Variants in ZYG11A observed in about 807,000 individuals in gnomAD.
ZYG11A encodes zyg-11 family member A, cell cycle regulator, also known as protein zyg-11 homolog A.
ZYG11A carries 62 observed loss-of-function variants against 77.2 expected under a neutral mutation model. That is an observed-to-expected ratio of 0.80 (90% CI 0.65 to 0.99). ZYG11A has a LOEUF of 0.99. Ranked by LOEUF, ZYG11A falls within the 50% of genes least tolerant of loss-of-function variation. The probability of loss-of-function intolerance (pLI) is 0.00; values close to 1 mark genes in which losing one functional copy is unlikely to be tolerated. For synonymous variants in ZYG11A, 315 were observed against 324.6 expected (o/e 0.97, Z 0.32); for missense variants, 828 against 896.8 (o/e 0.92, Z 0.98).
intron 6 of ZYG11A, 139 bp from the exon 7 acceptor site, chr1:52,867,400 C>G (rs1285700823): frequency 1.6e-6 from 1 of 635,320 alleles, no homozygotes; most frequent in Non-Finnish European, 2.7e-6. Flanking sequence ...GCCAAATGCT[C>G]TTGGTTTTCA....
Position 52,871,541 on chromosome 1 carries a change from G to A in ZYG11A, c.1542+3764G>A, listed in dbSNP as rs1571865472. On this transcript the variant is annotated intron_variant, in intron 8 of 13. Coordinates refer to ENST00000371528, the MANE Select transcript of ZYG11A (RefSeq NM_001004339.3). ...AGACAGAGTCCCACTCTGTCACCAGGCTGGAAGTGCACTGGCGCCATCTCG... is the reference window on the plus strand; with the variant it reads ...AGACAGAGTCCCACTCTGTCACCAGACTGGAAGTGCACTGGCGCCATCTCG... Among the ~76,000 whole-genome samples, 4 of 151,164 alleles carry A rather than the reference G, an allele frequency of 2.6e-5. No individual in the cohort carries two copies. In the East Asian group the frequency reaches 7.8e-4, roughly 29 times the overall value.
chr1:52,885,310 T>TTTTTG (rs58059629), intron 11 of ZYG11A, among the ~76,000 whole-genome samples: 8 of 150,536 alleles, frequency 5.3e-5, no homozygotes, highest in African/African-American at 1.2e-4. Flanking sequence ...TGGTTTGTGT[T>TTTTTG]TTTTGTTTTG....
chr1:52,887,649 G>A (rs779338604), intron 13 of ZYG11A, among the ~76,000 whole-genome samples: 53 of 151,826 alleles, frequency 3.5e-4, no homozygotes, highest in African/African-American at 1.1e-3. Context: ...TTGGGAGGCC[G>A]AGGCAGGAGA....
intron 2 of ZYG11A, 106 bp downstream of exon 2, chr1:52,854,736 AT>A (rs1645777034): frequency 2.5e-6 from 3 of 1,190,164 alleles, no homozygotes; most frequent in Non-Finnish European, 2.2e-6. Flanking sequence ...TTTCCATTTC[AT>A]TTGTCTGGAA....
At chr1:52,853,633 G>C (rs1338696246) in intron 1 of ZYG11A, among the ~76,000 whole-genome samples, 1 of 152,158 alleles carries the variant, frequency 6.6e-6, no homozygotes, top group African/African-American at 2.4e-5. Flanking sequence ...TATTGGGGCC[G>C]GGTGTGGTGG....
At chr1:52,860,628 G>T (rs1442362674) in intron 3 of ZYG11A, 103 bp from the exon 4 acceptor site, 3 of 1,248,610 alleles carry the variant, frequency 2.4e-6, no homozygotes, top group Non-Finnish European at 3.3e-6. Context: ...AACATTTGTT[G>T]TTATTGTCTT....
At chr1:52,852,289 C>T (rs781261433) in intron 1 of ZYG11A, among the ~76,000 whole-genome samples, 8 of 151,038 alleles carry the variant, frequency 5.3e-5, no homozygotes, top group Non-Finnish European at 8.8e-5. Flanking sequence ...CCTCATGATC[C>T]ACCCACCTCA....
chr1:52,843,102 A>C (rs1257519204), intron 1 of ZYG11A, 129 bp downstream of exon 1: 3 of 731,784 alleles, frequency 4.1e-6, no homozygotes, highest in African/African-American at 3.7e-5. Flanking sequence ...GCTGCGGTCT[A>C]GATGCCGAGC....
At position 52,881,507 on chromosome 1, in the gene ZYG11A, C is replaced by G; in HGVS notation, c.1786C>G (p.Leu596Val). Reference protein sequence around the residue: ...IAEVRELSSKLVTEDVLKHIN... With the variant: ...IAEVRELSSKVVTEDVLKHIN... The stretch of plus-strand genomic sequence containing the variant: ...AGAAGTCAGAGAGCTCTCTTCCAAG[C>G]TGGTGACCGAAGATGTGCTGAAGCA... The change falls in exon 11 of 14, where the codon CTG becomes GTG. Residue 596 changes from leucine to valine, a missense_variant. Leu to Val is a conservative substitution (Grantham distance 32). Coordinates refer to ENST00000371528, the MANE Select transcript of ZYG11A (RefSeq NM_001004339.3). 6.4e-7 allele frequency: 1 copy of G among 1,551,488 alleles called. No homozygotes were observed. The highest frequency in any genetic ancestry group is 8.7e-7 in the Non-Finnish European group (1 of 1,146,850).
At position 52,867,733 on chromosome 1, in the gene ZYG11A, C is replaced by T. The variant is rs1646052847; in HGVS notation, c.1498C>T (p.Pro500Ser). Residue 500 changes from proline to serine, a missense_variant, in exon 8 of 14, where the codon CCT becomes TCT. Physicochemically the swap from Pro to Ser is moderately conservative, Grantham distance 74. Transcript: ENST00000371528. ...CCTTTCTGTTTGCTTATAGCTCTCA[C>T]CTGAGCAAACGGCACAGCTTGAAGA... ...VTSILALQLS[P>S]EQTAQLEELF... 6.4e-7 allele frequency: 1 copy of T among 1,551,370 alleles called. No homozygotes were observed. The highest frequency in any genetic ancestry group is 8.7e-7 in the Non-Finnish European group (1 of 1,146,936).
At chr1:52,860,954 A>T in intron 4 of ZYG11A, 83 bp downstream of exon 4, 4 of 1,294,416 alleles carry the variant, frequency 3.1e-6, no homozygotes, top group South Asian at 1.4e-5. Flanking sequence ...TGAATATAAT[A>T]AATTATATGC....
At chr1:52,892,343 C>T (rs1262387551) in intron 13 of ZYG11A, among the ~76,000 whole-genome samples, 8 of 148,874 alleles carry the variant, frequency 5.4e-5, no homozygotes, top group African/African-American at 9.9e-5. Flanking sequence ...CTGGCTAACA[C>T]GGTGAAACTC....
chr1:52,870,267 A>T (rs1346190359), intron 8 of ZYG11A, among the ~76,000 whole-genome samples: 1 of 126,298 alleles, frequency 7.9e-6, no homozygotes, highest in East Asian at 2.4e-4. Flanking sequence ...CAGACTGGGC[A>T]GCCAGGCAGA....
At position 52,860,347 on chromosome 1, in the gene ZYG11A, G is replaced by A. The variant is rs572493857; in HGVS notation, c.1009-384G>A. 1.1e-3 allele frequency among the ~76,000 whole-genome samples: 163 copies of A among 151,866 alleles called. 1 individual carries two copies. Among genetic ancestry groups the A allele is most frequent in the Non-Finnish European group, 1.8e-3 (122 of 67,936 alleles). ...ACAGGCATTAGCCACCACGCCTGGC[G>A]CTAGTCTCCTGATTCTTGAATCCTG... On this transcript the variant is annotated intron_variant, in intron 3 of 13. Transcript: ENST00000371528.
intron 8 of ZYG11A, among the ~76,000 whole-genome samples, chr1:52,868,898 CA>C (rs1291084931): frequency 4.7e-4 from 72 of 152,082 alleles, no homozygotes; most frequent in African/African-American, 1.6e-3. Flanking sequence ...TGCAATGGTG[CA>C]ATCTCGGCTC....
chr1:52,866,742 A>C (rs566341543), intron 6 of ZYG11A, among the ~76,000 whole-genome samples, 175 bp downstream of exon 6: 2 of 152,206 alleles, frequency 1.3e-5, no homozygotes, highest in African/African-American at 4.8e-5. Context: ...TGATTCTAGT[A>C]TAGGATAGTG....
chr1:52,849,820 C>T (rs1486014631), intron 1 of ZYG11A, among the ~76,000 whole-genome samples: 1 of 151,212 alleles, frequency 6.6e-6, no homozygotes, highest in Admixed American at 6.6e-5. Context: ...GTAGCTGGGA[C>T]TACAGGCACC....
chr1:52,884,444 C>T (rs1181576521), intron 11 of ZYG11A, among the ~76,000 whole-genome samples: 87 of 147,244 alleles, frequency 5.9e-4, no homozygotes, highest in South Asian at 1.9e-3. Flanking sequence ...TGCAGTGAGC[C>T]GAGATCGTGC....
At chr1:52,884,211 G>A (rs1027046371) in intron 11 of ZYG11A, among the ~76,000 whole-genome samples, 1 of 151,566 alleles carries the variant, frequency 6.6e-6, no homozygotes, top group Non-Finnish European at 1.5e-5. Flanking sequence ...AATTAGCTGG[G>A]CGTGGCCGGG....
Sources: allele counts gnomAD v4.1 joint callset (sites outside exome capture counted in the v4.1 genomes callset), GRCh38; gene constraint gnomAD v4.1.1; transcripts MANE v1.5; gene names NCBI Gene and HGNC (gene_info 2026-07-23, HGNC 2026-07-21).